Variants in RPN2 observed in about 807,000 individuals in gnomAD.
RPN2 encodes the protein dolichyl-diphosphooligosaccharide--protein glycosyltransferase subunit 2.
RPN2 carries 29 observed loss-of-function variants against 71.4 expected under a neutral mutation model. The ratio of observed to expected loss-of-function variants is 0.41; its 90% CI spans 0.30 to 0.55. The LOEUF (loss-of-function observed/expected upper bound fraction) is 0.55, where lower values mean the gene tolerates loss of function less well. Among genes scored for constraint, RPN2 ranks in the 20% least tolerant of loss-of-function variants. RPN2 has a pLI of 0.35. For synonymous variants in RPN2, 308 were observed against 305.0 expected (o/e 1.01, Z -0.10); for missense variants, 726 against 774.1 (o/e 0.94, Z 0.74).
chr20:37,191,546 T>A (rs2067140238), intron 2 of RPN2, among the ~76,000 whole-genome samples: 1 of 151,508 alleles, frequency 6.6e-6, no homozygotes, highest in Non-Finnish European at 1.5e-5. Context: ...GGCAGGCGGA[T>A]CACGAGGTCA....
At chr20:37,195,969 G>A (rs1268553214) in intron 2 of RPN2, among the ~76,000 whole-genome samples, 1 of 152,036 alleles carries the variant, frequency 6.6e-6, no homozygotes, top group Non-Finnish European at 1.5e-5. Context: ...TGTACACACA[G>A]TAAAACATTG....
In RPN2 at chr20:37,195,968, A is replaced by G. The variant is rs181249169; in HGVS notation, c.208-2429A>G. On this transcript the variant is annotated intron_variant, in intron 2 of 16. Transcript: ENST00000237530. ...TTTGGTTGGAGTAGCATGTACACAC[A>G]GTAAAACATTGGACAATACAAAATA... Among the ~76,000 whole-genome samples the G allele has an allele frequency of 2.0e-5, 3 of 152,338 alleles. No homozygotes were observed. The East Asian group carries it at 5.8e-4, about 29-fold the overall frequency.
Position 37,236,855 on chromosome 20 carries a change from G to A in RPN2, c.1883+146G>A, listed in dbSNP as rs919812214. On this transcript the variant is annotated intron_variant, in intron 16 of 16. Coordinates refer to ENST00000237530, the MANE Select transcript of RPN2 (RefSeq NM_002951.5). ...CTAATCTAGCCCAGTACAGAAGCCAGAAGCACTTTGAAGTCAGAAAAGAGC... is the reference window on the plus strand; with the variant it reads ...CTAATCTAGCCCAGTACAGAAGCCAAAAGCACTTTGAAGTCAGAAAAGAGC... 8 of 780,260 alleles carry A rather than the reference G, an allele frequency of 1.0e-5. No individual in the cohort carries two copies. In the African/African-American group the frequency reaches 1.4e-4, roughly 13 times the overall value. 48.3% of individuals were successfully genotyped at this position (780,260 alleles called of 1,614,324 possible).
At position 37,200,423 on chromosome 20, in the gene RPN2, A is replaced by G. The variant is rs188749677; in HGVS notation, c.479+1198A>G. Reference sequence around the variant, plus strand: ...TTTTTTTGTCATTTTATTTGTGTTCACCGTTTCACTGCAAACCCTGAAGGA... The same window carrying G: ...TTTTTTTGTCATTTTATTTGTGTTCGCCGTTTCACTGCAAACCCTGAAGGA... On this transcript the variant is annotated intron_variant, in intron 4 of 16. Transcript: ENST00000237530. The G allele has an allele frequency of 5.0e-3, 2,588 of 521,652 alleles. 35 individuals carry two copies. The highest frequency in any genetic ancestry group is 0.014 in the Middle Eastern group (42 of 3,082). The allele number at this position is 521,652 out of a possible 1,614,324, so 32.3% of individuals were successfully genotyped here. A position where few individuals can be genotyped will look rare whatever the true frequency, so the allele number is the denominator to read the frequency against.
intron 2 of RPN2, among the ~76,000 whole-genome samples, chr20:37,186,480 T>A (rs1305841338): frequency 1.3e-5 from 2 of 152,132 alleles, no homozygotes; most frequent in Non-Finnish European, 2.9e-5. Flanking sequence ...CTTATTCTAT[T>A]TATTTATTTA....
At chr20:37,238,199 C>T (rs1052291460) in intron 16 of RPN2, among the ~76,000 whole-genome samples, 1 of 152,120 alleles carries the variant, frequency 6.6e-6, no homozygotes, top group South Asian at 2.1e-4. Context: ...GTAACTCCTC[C>T]CTCTCCCCTG....
rs6130802 is a variant in RPN2, at chr20:37,216,002, T to C, written c.1092+2137T>C. ...TCCCCTAGAATTGCTTTATGGCATCTCTTGAAGCACAAAATTTAATTTTAA... is the reference window on the plus strand; with the variant it reads ...TCCCCTAGAATTGCTTTATGGCATCCCTTGAAGCACAAAATTTAATTTTAA... On this transcript the variant is annotated intron_variant, in intron 9 of 16. Transcript: ENST00000237530. 0.013 allele frequency among the ~76,000 whole-genome samples: 1,944 copies of C among 152,294 alleles called. 131 individuals are homozygous for C. In the East Asian group the frequency reaches 0.22, roughly 17 times the overall value.
At position 37,203,889 on chromosome 20, in the gene RPN2, G is replaced by A. The variant is rs141194245; in HGVS notation, c.484G>A (p.Val162Ile). 1.4e-4 allele frequency: 224 copies of A among 1,613,400 alleles called. No homozygotes were observed. In the African/African-American group the frequency reaches 2.3e-3, roughly 17 times the overall value. ...GTTCTACTCTTTACCTTCCAGAACAGTCCAGGCTCTGCAGACAGCATCCCA... is the reference window on the plus strand; with the variant it reads ...GTTCTACTCTTTACCTTCCAGAACAATCCAGGCTCTGCAGACAGCATCCCA... Reference protein sequence around the residue: ...LSKEETVLATVQALQTASHLS... With the variant: ...LSKEETVLATIQALQTASHLS... Residue 162 changes from valine (V) to isoleucine (I), a missense_variant, in exon 5 of 17, where the codon GTC becomes ATC. Physicochemically the swap from Val to Ile is conservative, Grantham distance 29. Coordinates refer to ENST00000237530, the MANE Select transcript of RPN2 (RefSeq NM_002951.5).
intron 13 of RPN2, among the ~76,000 whole-genome samples, chr20:37,230,496 C>T (rs1453304603): frequency 5.3e-5 from 8 of 152,148 alleles, no homozygotes; most frequent in South Asian, 2.1e-4. Context: ...CTGTCCTGCA[C>T]GCAGGACTGT....
chr20:37,189,313 GTGTGTGTGTA>G (rs376754723), intron 2 of RPN2, among the ~76,000 whole-genome samples: 9,505 of 70,390 alleles, frequency 0.14, 426 homozygotes, highest in African/African-American at 0.22. Flanking sequence ...GGGCCAAACT[GTGTGTGTGTA>G]TGTGTGTGTG....
intron 2 of RPN2, among the ~76,000 whole-genome samples, chr20:37,196,764 AT>A (rs1235862383): frequency 6.6e-6 from 1 of 152,170 alleles, no homozygotes; most frequent in Admixed American, 6.5e-5. Context: ...TTGGCAGTCT[AT>A]TGATTTGATA....
chr20:37,213,908 C>G (rs759306923), intron 9 of RPN2, 43 bp downstream of exon 9: 1 of 1,408,094 alleles, frequency 7.1e-7, no homozygotes, highest in Non-Finnish European at 1.0e-6. Flanking sequence ...TTAGTATATC[C>G]AAGGATATGG....
chr20:37,194,315 G>A (rs774058106), intron 2 of RPN2, among the ~76,000 whole-genome samples: 8 of 152,138 alleles, frequency 5.3e-5, no homozygotes, highest in Non-Finnish European at 1.2e-4. Context: ...AGGCTGGAGT[G>A]CTGTGGCTCG....
At chr20:37,187,213 A>T (rs2067025883) in intron 2 of RPN2, among the ~76,000 whole-genome samples, 1 of 59,812 alleles carries the variant, frequency 1.7e-5, no homozygotes, top group Non-Finnish European at 4.3e-5. Flanking sequence ...GTTTAAGATC[A>T]ATCATTTGGC....
intron 12 of RPN2, 116 bp from the exon 13 acceptor site, chr20:37,229,857 G>T (rs1430842412): frequency 3.7e-6 from 3 of 803,378 alleles, no homozygotes; most frequent in Non-Finnish European, 4.4e-6. Context: ...AAGTGATTGG[G>T]ACTGCCTGGA....
At chr20:37,208,772 C>T (rs2067582002) in intron 7 of RPN2, among the ~76,000 whole-genome samples, 1 of 152,190 alleles carries the variant, frequency 6.6e-6, no homozygotes, top group Non-Finnish European at 1.5e-5. Flanking sequence ...TGTTTGGAAC[C>T]AGTGATAAGC....
At chr20:37,232,848 A>T (rs370157114) in intron 14 of RPN2, among the ~76,000 whole-genome samples, 1 of 152,238 alleles carries the variant, frequency 6.6e-6, no homozygotes. Context: ...TGATAGGACA[A>T]GATTGCCAAG....
At chr20:37,206,310 CT>C (rs2067508534) in intron 6 of RPN2, among the ~76,000 whole-genome samples, 1 of 152,072 alleles carries the variant, frequency 6.6e-6, no homozygotes, top group Non-Finnish European at 1.5e-5. Flanking sequence ...AAAGTTTGGT[CT>C]TATAAATAAA....
At chr20:37,207,786 A>G (rs2067551687) in intron 7 of RPN2, among the ~76,000 whole-genome samples, 1 of 152,060 alleles carries the variant, frequency 6.6e-6, no homozygotes, top group Non-Finnish European at 1.5e-5. Flanking sequence ...GGTTCAAGTG[A>G]TTCTTGTGCC....
Sources: allele counts gnomAD v4.1 joint callset (sites outside exome capture counted in the v4.1 genomes callset), GRCh38; gene constraint gnomAD v4.1.1; transcripts MANE v1.5; gene names NCBI Gene and HGNC (gene_info 2026-07-23, HGNC 2026-07-21).